BCL2L11: variants seen among roughly 807,000 people sequenced by gnomAD.
The protein encoded by BCL2L11 is BCL2 like 11.
A neutral mutation model predicts 20.6 loss-of-function variants in BCL2L11; 15 were observed. The ratio of observed to expected loss-of-function variants is 0.73; its 90% CI spans 0.49 to 1.12. BCL2L11 has a LOEUF of 1.12. Among genes scored for constraint, BCL2L11 ranks in the 50% most tolerant of loss-of-function variants. The pLI, the probability that BCL2L11 is intolerant of heterozygous loss-of-function variation, is 0.00. For missense variants in BCL2L11, 292 were observed against 260.9 expected, an observed-to-expected ratio of 1.12 and a Z score of -0.82; for synonymous variants, 108 against 92.8, an observed-to-expected ratio of 1.16 and a Z score of -0.94.
intron 3 of BCL2L11, chr2:111,153,957 TTCC>T: frequency 6.9e-7 from 1 of 1,446,492 alleles, no homozygotes; most frequent in Non-Finnish European, 9.1e-7. Context: ...TGCAGTGTCA[TTCC>T]CAGGTGAACC....
intron 3 of BCL2L11, among the ~76,000 whole-genome samples, chr2:111,158,266 C>T (rs141029121): frequency 6.6e-6 from 1 of 152,270 alleles, no homozygotes; most frequent in Non-Finnish European, 1.5e-5. Flanking sequence ...GGGTTATGAA[C>T]GAGTCGTGGA....
chr2:111,154,790 ATATAG>A (rs2150536993), intron 3 of BCL2L11, among the ~76,000 whole-genome samples: 1 of 152,336 alleles, frequency 6.6e-6, no homozygotes, highest in African/African-American at 2.4e-5. Context: ...TTTCTCTCTT[ATATAG>A]TTATTTAGTA....
At chr2:111,135,945 A>C (rs1029257110) in intron 2 of BCL2L11, among the ~76,000 whole-genome samples, 6 of 152,172 alleles carry the variant, frequency 3.9e-5, no homozygotes, top group Admixed American at 6.5e-5. Flanking sequence ...TGCTTCTGCC[A>C]GGGAGGGTCT....
In BCL2L11 at chr2:111,146,086, TA is replaced by T. The variant is rs545079974; in HGVS notation, c.395-3948del. ...GAGCAGTTTATATTTTATTGTGCTT[TA>T]AAAAAAAAATTTAGTGCCAGGTTTA... On this transcript the variant is annotated intron_variant, in intron 2 of 3. Coordinates refer to ENST00000393256, the MANE Select transcript of BCL2L11 (RefSeq NM_138621.5). The T allele has an allele frequency of 6.3e-4, 607 of 959,920 alleles. 3 individuals are homozygous for T. The African/African-American group carries it at 7.6e-3, about 12-fold the overall frequency. The allele number at this position is 959,920 out of a possible 1,614,324, so 59.5% of individuals were successfully genotyped here. A position where few individuals can be genotyped will look rare whatever the true frequency, so the allele number is the denominator to read the frequency against.
chr2:111,136,601 A>G (rs73954948), intron 2 of BCL2L11, among the ~76,000 whole-genome samples: 3,776 of 152,278 alleles, frequency 0.025, 147 homozygotes, highest in African/African-American at 0.086. Context: ...CTGGAGGGTG[A>G]TAAGTACAAG....
chr2:111,124,261 G>GAA, intron 2 of BCL2L11, 122 bp downstream of exon 2: 2 of 1,213,104 alleles, frequency 1.6e-6, no homozygotes, highest in African/African-American at 1.6e-5. Flanking sequence ...TCTTTAGATG[G>GAA]GAATGGAGGA....
At chr2:111,153,754 G>A in intron 3 of BCL2L11, 2 of 1,552,126 alleles carry the variant, frequency 1.3e-6, no homozygotes, top group East Asian at 2.4e-5. Flanking sequence ...TGCAAAGCCT[G>A]ACAGGATATT....
chr2:111,150,262 G>A (rs1389543370), intron 3 of BCL2L11, 115 bp downstream of exon 3: 3 of 1,508,996 alleles, frequency 2.0e-6, no homozygotes, highest in East Asian at 5.2e-5. Flanking sequence ...AATGATTACT[G>A]TTGCCTAGTT....
chr2:111,123,517 T>TA, intron 1 of BCL2L11: 1 of 985,454 alleles, frequency 1.0e-6, no homozygotes, highest in South Asian at 4.7e-5. Flanking sequence ...TTGACATTGT[T>TA]ACTGTATTTT....
chr2:111,148,024 A>G (rs2076789316), intron 2 of BCL2L11, among the ~76,000 whole-genome samples: 1 of 152,186 alleles, frequency 6.6e-6, no homozygotes. Context: ...TGTATTAAGT[A>G]TTGGGTAACT....
At chr2:111,130,747 A>G (rs1394091126) in intron 2 of BCL2L11, among the ~76,000 whole-genome samples, 2 of 152,168 alleles carry the variant, frequency 1.3e-5, no homozygotes, top group African/African-American at 4.8e-5. Context: ...TAGGTTTTAT[A>G]TGGGTCGTCT....
At chr2:111,147,346 T>TCTCTCTCTCACACACA (rs760779894) in intron 2 of BCL2L11, among the ~76,000 whole-genome samples, 8 of 137,332 alleles carry the variant, frequency 5.8e-5, no homozygotes, top group East Asian at 2.1e-4. Flanking sequence ...TCTCTCTCTC[T>TCTCTCTCTCACACACA]CACACACACA....
chr2:111,132,597 G>T (rs1434768329), intron 2 of BCL2L11, among the ~76,000 whole-genome samples: 2 of 152,156 alleles, frequency 1.3e-5, no homozygotes, highest in African/African-American at 4.8e-5. Flanking sequence ...TGGCCATATA[G>T]GCTCTTTTTA....
chr2:111,151,576 A>C (rs2077263613), intron 3 of BCL2L11, among the ~76,000 whole-genome samples: 1 of 151,748 alleles, frequency 6.6e-6, no homozygotes, highest in Admixed American at 6.6e-5. Context: ...TTTACCTTTG[A>C]TTATTATTTT....
At chr2:111,128,111 C>G (rs1470289974) in intron 2 of BCL2L11, among the ~76,000 whole-genome samples, 1 of 152,074 alleles carries the variant, frequency 6.6e-6, no homozygotes, top group African/African-American at 2.4e-5. Context: ...TCCCCCTCCC[C>G]CCAGCTTCTG....
At chr2:111,121,742 C>G (rs1407763006) in intron 1 of BCL2L11, among the ~76,000 whole-genome samples, 1 of 152,244 alleles carries the variant, frequency 6.6e-6, no homozygotes, top group Non-Finnish European at 1.5e-5. Flanking sequence ...TTCGGGGCCA[C>G]TGCTGCGTTC....
At chr2:111,132,337 C>G (rs1433269612) in intron 2 of BCL2L11, 2 of 152,126 alleles carry the variant, frequency 1.3e-5, no homozygotes, top group African/African-American at 4.8e-5. Flanking sequence ...AAAATTAGAA[C>G]TCGGTTCTTC....
At chr2:111,158,206 T>C (rs992581502) in intron 3 of BCL2L11, among the ~76,000 whole-genome samples, 3 of 152,224 alleles carry the variant, frequency 2.0e-5, no homozygotes, top group Non-Finnish European at 4.4e-5. Flanking sequence ...CCTTTTTCTC[T>C]CTGACTTCTG....
rs928987316 is a variant in BCL2L11, at chr2:111,165,572, G to C, written c.*1341G>C. On this transcript the variant is annotated 3_prime_UTR_variant, in exon 4 of 4. Coordinates refer to ENST00000393256, the MANE Select transcript of BCL2L11 (RefSeq NM_138621.5). ...GGCCACTTGTGACCCCAGCCATGTA[G>C]TGAGGGTGCTCTTTCTCTGTGCCTG... is the stretch of plus-strand genomic sequence containing the variant. 2 of 152,196 alleles carry C rather than the reference G, an allele frequency of 1.3e-5. No homozygotes were observed. Among genetic ancestry groups the C allele is most frequent in the African/African-American group, 4.8e-5 (2 of 41,430 alleles). The allele number at this position is 152,196 out of a possible 1,614,324, so 9.4% of individuals were successfully genotyped here. A position where few individuals can be genotyped will look rare whatever the true frequency, so the allele number is the denominator to read the frequency against.
Sources: allele counts gnomAD v4.1 joint callset (sites outside exome capture counted in the v4.1 genomes callset), GRCh38; gene constraint gnomAD v4.1.1; transcripts MANE v1.5; gene names NCBI Gene and HGNC (gene_info 2026-07-23, HGNC 2026-07-21).